CASQ2: variants seen among roughly 807,000 people sequenced by gnomAD.
CASQ2 encodes calsequestrin 2.
Under a neutral mutation model 46.5 loss-of-function variants are expected in CASQ2, and 49 were observed. That is an observed-to-expected ratio of 1.05 (90% confidence interval 0.84 to 1.34). The LOEUF (loss-of-function observed/expected upper bound fraction) is 1.34, where lower values mean the gene tolerates loss of function less well. Among genes scored for constraint, CASQ2 ranks in the 40% most tolerant of loss-of-function variants. CASQ2 has a pLI of 0.00. For missense variants in CASQ2, 486 were observed against 481.3 expected, an observed-to-expected ratio of 1.01 and a Z score of -0.09; for synonymous variants, 174 against 168.5, an observed-to-expected ratio of 1.03 and a Z score of -0.25.
intron 8 of CASQ2, among the ~76,000 whole-genome samples, chr1:115,706,344 C>CA (rs1445116097): frequency 4.6e-5 from 7 of 152,112 alleles, no homozygotes; most frequent in Admixed American, 4.6e-4. Context: ...GAAAAGATCC[C>CA]AGAATCCCTT....
chr1:115,751,076 T>C (rs1442572255), intron 1 of CASQ2, among the ~76,000 whole-genome samples: 1 of 152,222 alleles, frequency 6.6e-6, no homozygotes, highest in Admixed American at 6.5e-5. Flanking sequence ...AAGTGGACAA[T>C]ACCAATATCT....
At chr1:115,705,373 C>T (rs1010485990) in intron 8 of CASQ2, 81 bp from the exon 9 acceptor site, 16 of 897,552 alleles carry the variant, frequency 1.8e-5, no homozygotes, top group East Asian at 5.1e-5. Flanking sequence ...GATTTTTCCA[C>T]GAGGACTTCT....
Position 115,709,628 on chromosome 1 carries a change from A to T in CASQ2, c.839-4336T>A, listed in dbSNP as rs191529017. Among the ~76,000 whole-genome samples, 636 of 152,326 alleles carry T rather than the reference A, an allele frequency of 4.2e-3. 2 individuals are homozygous for T. The highest frequency in any genetic ancestry group is 6.0e-3 in the Non-Finnish European group (411 of 68,028). On this transcript the variant is annotated intron_variant, in intron 8 of 10. Coordinates refer to ENST00000261448, the MANE Select transcript of CASQ2 (RefSeq NM_001232.4). ...CAGAAGAGACCCCCGCAACCCAGACATTCCAAACTCCAGGTAGATGAATAG... is the reference window on the plus strand; with the variant it reads ...CAGAAGAGACCCCCGCAACCCAGACTTTCCAAACTCCAGGTAGATGAATAG...
intron 7 of CASQ2, among the ~76,000 whole-genome samples, chr1:115,721,258 G>A (rs1647365869): frequency 6.6e-6 from 1 of 152,158 alleles, no homozygotes; most frequent in South Asian, 2.1e-4. Flanking sequence ...TGGCTAGATG[G>A]AGGGTGAGGT....
intron 7 of CASQ2, 125 bp downstream of exon 7, chr1:115,725,383 A>G: frequency 2.8e-6 from 3 of 1,056,516 alleles, no homozygotes; most frequent in South Asian, 2.5e-5. Flanking sequence ...TGTTTCAAAT[A>G]CTCATCTAGA....
chr1:115,730,080 G>A (rs1018160166), intron 5 of CASQ2, among the ~76,000 whole-genome samples: 1 of 152,168 alleles, frequency 6.6e-6, no homozygotes, highest in African/African-American at 2.4e-5. Context: ...TTTAGGATTA[G>A]TATTAATAGA....
In CASQ2 at chr1:115,761,432, GAAGAAGA is replaced by G. The variant is rs1214540021; in HGVS notation, c.234+6869_234+6875del. Among the ~76,000 whole-genome samples the G allele has an allele frequency of 9.3e-3, 21 of 2,266 alleles. 3 individuals are homozygous for G. Among genetic ancestry groups the G allele is most frequent in the African/African-American group, 0.026 (9 of 352 alleles). 1.5% of individuals were successfully genotyped at this position (2,266 alleles called of 152,430 possible). ...AGAAGAAGAAGAAGAAGAAGAAGAA[GAAGAAGA>G]AAGAAGAAGAAGAAGAAGAAGAAGG... is the stretch of plus-strand genomic sequence containing the variant. On this transcript the variant is annotated intron_variant, in intron 1 of 10. Transcript: ENST00000261448.
chr1:115,733,019 A>T (rs373683706), intron 4 of CASQ2, 45 bp from the exon 5 acceptor site: 1 of 1,344,380 alleles, frequency 7.4e-7, no homozygotes, highest in Non-Finnish European at 1.1e-6. Context: ...TTTCAAGATG[A>T]ACACAGAAGA....
At chr1:115,739,601 G>A (rs4839476) in intron 3 of CASQ2, among the ~76,000 whole-genome samples, 104,672 of 152,056 alleles carry the variant, frequency 0.69, 39,332 homozygotes, top group Non-Finnish European at 0.84. Flanking sequence ...TTGTTTTTCT[G>A]TCATGAAATA....
At chr1:115,714,412 C>T (rs1270939861) in intron 8 of CASQ2, among the ~76,000 whole-genome samples, 4 of 152,156 alleles carry the variant, frequency 2.6e-5, no homozygotes, top group African/African-American at 4.8e-5. Context: ...TCATCATGCA[C>T]GTATTACAGA....
At chr1:115,714,388 C>T (rs982749225) in intron 8 of CASQ2, among the ~76,000 whole-genome samples, 2 of 152,180 alleles carry the variant, frequency 1.3e-5, no homozygotes, top group Admixed American at 6.5e-5. Flanking sequence ...CCTCATCTGA[C>T]ACTAGAATAA....
intron 4 of CASQ2, among the ~76,000 whole-genome samples, chr1:115,735,100 T>C (rs1049335092): frequency 2.0e-5 from 3 of 152,240 alleles, no homozygotes; most frequent in Non-Finnish European, 4.4e-5. Flanking sequence ...GTAAAGGCTT[T>C]ACATCAAGCT....
intron 4 of CASQ2, among the ~76,000 whole-genome samples, 184 bp downstream of exon 4, chr1:115,738,040 T>G (rs1321153560): frequency 6.6e-6 from 1 of 152,208 alleles, no homozygotes; most frequent in Non-Finnish European, 1.5e-5. Context: ...TCTTGCAGCT[T>G]TCCTGACTGT....
chr1:115,717,391 C>A (rs115355490), intron 8 of CASQ2, among the ~76,000 whole-genome samples: 10 of 152,192 alleles, frequency 6.6e-5, no homozygotes, highest in African/African-American at 2.4e-4. Context: ...CACATCCTCA[C>A]GATTTCATCC....
intron 8 of CASQ2, among the ~76,000 whole-genome samples, chr1:115,706,731 T>C (rs903156747): frequency 3.9e-4 from 60 of 152,330 alleles, no homozygotes; most frequent in African/African-American, 1.4e-3. Context: ...TGCACAGTTT[T>C]TCTTCTTTTG....
rs397507556 is a variant in CASQ2, at chr1:115,768,445, G to A, written c.97C>T (p.Arg33Ter). Reference protein sequence around the residue: ...LNFPTYDGKDRVVSLSEKNFK... With the variant: ...LNFPTYDGKD ...TTCTTCTCGGAAAGACTTACCACTC[G>A]GTCCTTCCCATCATATGTGGGGAAA... is the stretch of plus-strand genomic sequence containing the variant. The change falls in exon 1 of 11, where the codon CGA becomes TGA. Residue 33 changes from arginine to a stop codon, truncating the protein, a stop_gained. Transcript: ENST00000261448. LOFTEE classifies it high-confidence loss of function. The A allele has an allele frequency of 4.3e-6, 7 of 1,612,794 alleles. No homozygotes were observed. The highest frequency in any genetic ancestry group is 5.9e-6 in the Non-Finnish European group (7 of 1,178,860).
At chr1:115,710,834 C>A (rs879803561) in intron 8 of CASQ2, among the ~76,000 whole-genome samples, 1 of 152,198 alleles carries the variant, frequency 6.6e-6, no homozygotes, top group Admixed American at 6.5e-5. Context: ...AAGGGATGCA[C>A]GTTGAACCAG....
At chr1:115,736,926 A>T (rs1020437486) in intron 4 of CASQ2, among the ~76,000 whole-genome samples, 1 of 152,218 alleles carries the variant, frequency 6.6e-6, no homozygotes, top group Admixed American at 6.5e-5. Flanking sequence ...TGTTAATTAA[A>T]TACTATTATC....
At chr1:115,702,025 C>T (rs991105467) in intron 10 of CASQ2, among the ~76,000 whole-genome samples, 9 of 151,852 alleles carry the variant, frequency 5.9e-5, no homozygotes, top group African/African-American at 1.9e-4. Flanking sequence ...TGGGTTCAAG[C>T]GATTCTCTTG....
Sources: allele counts gnomAD v4.1 joint callset (sites outside exome capture counted in the v4.1 genomes callset), GRCh38; gene constraint gnomAD v4.1.1; transcripts MANE v1.5; gene names NCBI Gene and HGNC (gene_info 2026-07-23, HGNC 2026-07-21).